Variants in TTC29 observed in about 807,000 individuals in gnomAD.
TTC29 encodes the protein tetratricopeptide repeat protein 29.
TTC29 carries 49 observed loss-of-function variants against 58.1 expected under a neutral mutation model. The ratio of observed to expected loss-of-function variants is 0.84; its 90% confidence interval spans 0.67 to 1.07. The LOEUF (loss-of-function observed/expected upper bound fraction) is 1.07, where lower values mean the gene tolerates loss of function less well. Among genes scored for constraint, TTC29 ranks in the 50% least tolerant of loss-of-function variants. The probability of loss-of-function intolerance (pLI) is 0.00; values close to 1 mark genes in which losing one functional copy is unlikely to be tolerated. For missense variants in TTC29, 582 were observed against 555.6 expected (o/e 1.05, Z -0.48); for synonymous variants, 209 against 196.8 (o/e 1.06, Z -0.52).
chr4:146,826,493 G>A (rs1727807225), intron 9 of TTC29, among the ~76,000 whole-genome samples: 1 of 152,094 alleles, frequency 6.6e-6, no homozygotes, highest in African/African-American at 2.4e-5. Flanking sequence ...TAGTCTGATG[G>A]GCTTCCCTTT....
intron 6 of TTC29, 71 bp downstream of exon 6, chr4:146,903,473 G>A (rs1373567565): frequency 1.3e-4 from 179 of 1,345,942 alleles, no homozygotes; most frequent in Non-Finnish European, 1.4e-5. Flanking sequence ...CGACCACCAC[G>A]TGTTTTTCCA....
intron 11 of TTC29, among the ~76,000 whole-genome samples, chr4:146,802,978 A>G (rs943140763): frequency 6.6e-6 from 1 of 152,184 alleles, no homozygotes; most frequent in African/African-American, 2.4e-5. Context: ...CATGTGGCAA[A>G]AAAGTAGAAT....
intron 4 of TTC29, among the ~76,000 whole-genome samples, chr4:146,915,143 T>C (rs1453250470): frequency 6.6e-6 from 1 of 152,142 alleles, no homozygotes; most frequent in Non-Finnish European, 1.5e-5. Context: ...TACAAGTTAT[T>C]AATAGTAAAT....
chr4:146,904,719 C>A (rs1416428120), intron 5 of TTC29, among the ~76,000 whole-genome samples: 1 of 152,096 alleles, frequency 6.6e-6, no homozygotes, highest in Non-Finnish European at 1.5e-5. Context: ...TTAGAATTCA[C>A]TGATATTAAT....
At chr4:146,708,914 T>C (rs1032947441) in intron 11 of TTC29, among the ~76,000 whole-genome samples, 1 of 152,124 alleles carries the variant, frequency 6.6e-6, no homozygotes, top group African/African-American at 2.4e-5. Context: ...CTCGGTCTTC[T>C]CACTACTGCA....
chr4:146,814,724 C>CAA (rs1023402149), intron 10 of TTC29, among the ~76,000 whole-genome samples: 549 of 35,084 alleles, frequency 0.016, 21 homozygotes, highest in Non-Finnish European at 0.026. Context: ...GACTCCATCT[C>CAA]AAAAAAAAAA....
intron 4 of TTC29, among the ~76,000 whole-genome samples, chr4:146,928,977 G>A (rs1735128537): frequency 6.6e-6 from 1 of 152,062 alleles, no homozygotes; most frequent in African/African-American, 2.4e-5. Context: ...AATGTGAAGG[G>A]AATTTTTTAA....
chr4:146,713,326 T>C (rs1742665251), intron 11 of TTC29, among the ~76,000 whole-genome samples: 1 of 151,960 alleles, frequency 6.6e-6, no homozygotes, highest in South Asian at 2.1e-4. Flanking sequence ...ATAATATTGG[T>C]TTGTCATTCA....
intron 8 of TTC29, among the ~76,000 whole-genome samples, chr4:146,862,769 T>C (rs1481589444): frequency 6.6e-6 from 1 of 152,202 alleles, no homozygotes; most frequent in African/African-American, 2.4e-5. Context: ...AGGGCTGGAA[T>C]ACGCCCTTGC....
intron 11 of TTC29, among the ~76,000 whole-genome samples, chr4:146,773,003 T>G (rs1396425294): frequency 6.6e-6 from 1 of 152,174 alleles, no homozygotes; most frequent in Non-Finnish European, 1.5e-5. Flanking sequence ...ACTGCTTTAT[T>G]GATTTGACTC....
At chr4:146,788,645 T>C (rs1334845252) in intron 11 of TTC29, among the ~76,000 whole-genome samples, 1 of 151,788 alleles carries the variant, frequency 6.6e-6, no homozygotes, top group Non-Finnish European at 1.5e-5. Flanking sequence ...CTAAATAGAA[T>C]GACATGCTGA....
intron 4 of TTC29, among the ~76,000 whole-genome samples, chr4:146,933,528 A>G (rs1735509050): frequency 6.6e-6 from 1 of 152,242 alleles, no homozygotes; most frequent in Non-Finnish European, 1.5e-5. Context: ...AATCCGAAGT[A>G]CAGAAGTACA....
At chr4:146,741,345 T>C (rs80065309) in intron 11 of TTC29, among the ~76,000 whole-genome samples, 2,662 of 152,286 alleles carry the variant, frequency 0.017, 76 homozygotes, top group African/African-American at 0.06. Flanking sequence ...AAAGAGCCAT[T>C]AAAAAACCCC....
intron 11 of TTC29, among the ~76,000 whole-genome samples, chr4:146,756,261 ACT>A (rs1746441899): frequency 1.5e-5 from 2 of 129,510 alleles, no homozygotes. Context: ...ACAGAGCAAG[ACT>A]CTGTCTCAAA....
chr4:146,922,390 T>C (rs1050040039), intron 4 of TTC29, among the ~76,000 whole-genome samples: 1 of 151,338 alleles, frequency 6.6e-6, no homozygotes, highest in African/African-American at 2.4e-5. Context: ...AAAGAACTGG[T>C]TATGTGAAAA....
Position 146,756,121 on chromosome 4 carries a change from A to G in TTC29, c.1330+47336T>C, listed in dbSNP as rs143658887. 4.1e-4 allele frequency among the ~76,000 whole-genome samples: 63 copies of G among 152,184 alleles called. No individual in the cohort carries two copies. The East Asian group carries it at 0.011, about 26-fold the overall frequency. On this transcript the variant is annotated intron_variant, in intron 11 of 12. Transcript: ENST00000325106. ...AACCCCGTTTCTACTAAAAATACAA[A>G]AAATTAGCCAGGCGTAGTGGCAGGT...
At chr4:146,900,260 G>T (rs1160094899) in intron 6 of TTC29, among the ~76,000 whole-genome samples, 1 of 152,100 alleles carries the variant, frequency 6.6e-6, no homozygotes, top group Non-Finnish European at 1.5e-5. Context: ...AACTATTTAA[G>T]GGCATAGAAA....
chr4:146,847,329 C>T (rs1210912916), intron 8 of TTC29, among the ~76,000 whole-genome samples: 2 of 152,122 alleles, frequency 1.3e-5, no homozygotes, highest in African/African-American at 4.8e-5. Context: ...GAGTTTTGGC[C>T]TGACAATAAA....
intron 11 of TTC29, among the ~76,000 whole-genome samples, chr4:146,716,634 T>C (rs1742948826): frequency 6.6e-6 from 1 of 152,066 alleles, no homozygotes; most frequent in Non-Finnish European, 1.5e-5. Context: ...TAATGTATGT[T>C]GAGATTTCCA....
Sources: gnomAD v4.1 joint callset for allele counts (sites outside exome capture counted in the v4.1 genomes callset) on GRCh38, gnomAD v4.1.1 for gene constraint, MANE v1.5 for transcripts, NCBI Gene and HGNC (gene_info 2026-07-23, HGNC 2026-07-21) for gene names.